The following KIRREL2 variants were observed in gnomAD, a reference collection of about 807,000 sequenced individuals.
The protein encoded by KIRREL2 is kirre like nephrin family adhesion molecule 2.
A neutral mutation model predicts 73.4 loss-of-function variants in KIRREL2; 56 were observed. The observed-to-expected ratio is 0.76, with a 90% confidence interval of 0.62 to 0.95. The LOEUF (loss-of-function observed/expected upper bound fraction) is 0.95. KIRREL2 is among the 40% of genes least tolerant of loss of function. The probability of loss-of-function intolerance (pLI) is 0.00; values close to 1 mark genes in which losing one functional copy is unlikely to be tolerated. For missense variants in KIRREL2, 896 were observed against 935.0 expected, an observed-to-expected ratio of 0.96 and a Z score of 0.54; for synonymous variants, 407 against 404.0, an observed-to-expected ratio of 1.01 and a Z score of -0.09.
intron 11 of KIRREL2, 45 bp from the exon 12 acceptor site, chr19:35,862,448 G>T (rs779347775): frequency 2.8e-6 from 4 of 1,424,410 alleles, no homozygotes; most frequent in African/African-American, 2.8e-5. Context: ...CCCGCTTCCT[G>T]GTTCCCCCTC....
Position 35,858,417 on chromosome 19 carries a change from G to C in KIRREL2, c.221G>C (p.Arg74Pro), listed in dbSNP as rs201732327. The C allele has an allele frequency of 5.5e-5, 89 of 1,613,844 alleles. No individual in the cohort carries two copies. The highest frequency in any genetic ancestry group is 1.7e-4 in the Admixed American group (10 of 60,016). ...TTCTCCCTGACTCCAGGGTGGTCCCGGTACTGGATATCAGGGAATGCAGCC... is the reference window on the plus strand; with the variant it reads ...TTCTCCCTGACTCCAGGGTGGTCCCCGTACTGGATATCAGGGAATGCAGCC... ...GGQRDLPGWS[R>P]YWISGNAANG... The change falls in exon 3 of 15, where the codon CGG (arginine) becomes CCG (proline). Residue 74 changes from arginine (R) to proline (P), a missense_variant. Physicochemically the swap from Arg to Pro is moderately radical, Grantham distance 103. Transcript: ENST00000360202.
At position 35,858,378 on chromosome 19, in the gene KIRREL2, G is replaced by T. The variant is rs1481537955; in HGVS notation, c.212-30G>T. On this transcript the variant is annotated intron_variant, in intron 2 of 14. Transcript: ENST00000360202. ...CTGAGGCCAGGATTTCAGAACCATG[G>T]TGTGCTGACTGCCTTCTCCCTGACT... The T allele has an allele frequency of 2.5e-6, 4 of 1,604,374 alleles. No homozygotes were observed. The Admixed American group carries it at 6.7e-5, about 27-fold the overall frequency.
At chr19:35,862,429 C>A in intron 11 of KIRREL2, 64 bp from the exon 12 acceptor site, 2 of 1,224,998 alleles carry the variant, frequency 1.6e-6, no homozygotes, top group Non-Finnish European at 2.4e-6. Context: ...CAAACTCAAT[C>A]CCTGAGCCCC....
rs552392585 is a variant in KIRREL2, at chr19:35,866,547, T to A, written c.*55T>A. 1.9e-5 allele frequency: 31 copies of A among 1,610,342 alleles called. No individual in the cohort carries two copies. Among genetic ancestry groups the A allele is most frequent in the Non-Finnish European group, 2.6e-5 (31 of 1,178,976 alleles). On this transcript the variant is annotated 3_prime_UTR_variant, in exon 15 of 15. Coordinates refer to ENST00000360202, the MANE Select transcript of KIRREL2 (RefSeq NM_199180.4). ...TCCAACTTGCCATAATGGATTGTTC[T>A]GATTTCTGAGGAGCCAGGACAAGTT... is the stretch of plus-strand genomic sequence containing the variant.
In KIRREL2 at chr19:35,866,717, G is replaced by A. The variant is rs1480527758; in HGVS notation, c.*225G>A. 20 of 603,454 alleles carry A rather than the reference G, an allele frequency of 3.3e-5. No individual in the cohort carries two copies. The highest frequency in any genetic ancestry group is 1.3e-4 in the Admixed American group (4 of 30,854). The allele number at this position is 603,454 out of a possible 1,614,324, so 37.4% of individuals were successfully genotyped here. A position where few individuals can be genotyped will look rare whatever the true frequency, so the allele number is the denominator to read the frequency against. On this transcript the variant is annotated 3_prime_UTR_variant, in exon 15 of 15. Transcript: ENST00000360202. ...CACCCAATATGCCCACCTATTCCCCGGTGTAAAAGAGATTCAAGATGGCAG... is the reference window on the plus strand; with the variant it reads ...CACCCAATATGCCCACCTATTCCCCAGTGTAAAAGAGATTCAAGATGGCAG...
intron 7 of KIRREL2, 61 bp downstream of exon 7, chr19:35,860,728 G>C: frequency 1.9e-6 from 3 of 1,595,060 alleles, no homozygotes; most frequent in Non-Finnish European, 2.6e-6. Context: ...GGGCTGTTGA[G>C]GGTCGGGGCC....
chr19:35,855,124 C>T (rs530911250), upstream of KIRREL2, among the ~76,000 whole-genome samples: 1 of 152,266 alleles, frequency 6.6e-6, no homozygotes, highest in African/African-American at 2.4e-5. Context: ...TCCATCTTCC[C>T]TCACATGCTT....
intron 2 of KIRREL2, among the ~76,000 whole-genome samples, chr19:35,857,828 T>G (rs944066175): frequency 6.6e-6 from 1 of 151,674 alleles, no homozygotes; most frequent in Non-Finnish European, 1.5e-5. Flanking sequence ...TACACAAATG[T>G]ATATATATAT....
upstream of KIRREL2, among the ~76,000 whole-genome samples, chr19:35,855,656 TACACACACAC>T (rs57458964): frequency 0.032 from 2,719 of 84,898 alleles, 102 homozygotes; most frequent in African/African-American, 0.1. Flanking sequence ...CACCTCCCCA[TACACACACAC>T]ACACACACAC....
At chr19:35,864,758 C>T (rs369466789) in intron 14 of KIRREL2, 45 bp downstream of exon 14, 28 of 1,420,530 alleles carry the variant, frequency 2.0e-5, no homozygotes, top group Admixed American at 6.8e-5. Flanking sequence ...TTGGGAGAGG[C>T]GGGGCTCCCT....
chr19:35,858,990 A>C (rs1599859347), intron 4 of KIRREL2, 126 bp downstream of exon 4: 3 of 1,047,330 alleles, frequency 2.9e-6, no homozygotes, highest in East Asian at 4.8e-5. Flanking sequence ...TGGACTCTTG[A>C]AATATGATGC....
At position 35,861,973 on chromosome 19, in the gene KIRREL2, GC is replaced by G. The variant is rs1253231210; in HGVS notation, c.1462del (p.Arg488GlyfsTer24). 1 of 1,613,022 alleles carries G rather than the reference GC, an allele frequency of 6.2e-7. No individual in the cohort carries two copies. Among genetic ancestry groups the G allele is most frequent in the Non-Finnish European group, 8.5e-7 (1 of 1,179,700 alleles). On this transcript the variant is annotated frameshift_variant, in exon 11 of 15. Transcript: ENST00000360202. LOFTEE classifies it high-confidence loss of function. ...SDFSRSFNCSARNRLGEGGAQ... is the reference protein window; with the variant it reads ...SDFSRSFNCSXRNRLGEGGAQ... ...CTTTAGCAGGAGCTTTAACTGCAGT[GC>G]CCGGAACCGGCTGGGCGAGGGAGGT... is the stretch of plus-strand genomic sequence containing the variant.
upstream of KIRREL2, among the ~76,000 whole-genome samples, chr19:35,852,583 G>A (rs1026226891): frequency 3.3e-5 from 5 of 151,940 alleles, no homozygotes; most frequent in African/African-American, 1.2e-4. Context: ...AGCTGGCCCA[G>A]CTGGAGCATA....
At chr19:35,864,601 C>A in intron 13 of KIRREL2, 47 bp from the exon 14 acceptor site, 1 of 1,507,828 alleles carries the variant, frequency 6.6e-7, no homozygotes, top group Non-Finnish European at 9.2e-7. Flanking sequence ...GGCATTGGGG[C>A]GGGGGGATCC....
intron 4 of KIRREL2, 44 bp from the exon 5 acceptor site, chr19:35,859,437 C>T (rs756446331): frequency 2.5e-6 from 4 of 1,589,586 alleles, no homozygotes; most frequent in Non-Finnish European, 3.4e-6. Context: ...GATTGGACAC[C>T]CCTGATGGGT....
intron 14 of KIRREL2, among the ~76,000 whole-genome samples, chr19:35,865,652 C>A (rs980787903): frequency 6.6e-6 from 1 of 152,230 alleles, no homozygotes; most frequent in Admixed American, 6.5e-5. Flanking sequence ...ATCCCACCCA[C>A]TATGCTGAGG....
intron 13 of KIRREL2, among the ~76,000 whole-genome samples, chr19:35,863,424 A>ATTT (rs1410982721): frequency 0.011 from 1,266 of 120,300 alleles, 30 homozygotes; most frequent in African/African-American, 0.037. Flanking sequence ...CCCTGTCTCC[A>ATTT]TTTTTTTTTT....
intron 4 of KIRREL2, 120 bp downstream of exon 4, chr19:35,858,984 C>T: frequency 9.0e-7 from 1 of 1,113,326 alleles, no homozygotes; most frequent in Non-Finnish European, 1.3e-6. Context: ...TGGGTTTGGA[C>T]TCTTGAAATA....
Position 35,862,509 on chromosome 19 carries a change from G to T in KIRREL2, c.1527G>T (p.Val509=). The change falls in exon 12 of 15, where the codon GTG becomes GTT. Residue 509 remains valine (V), a synonymous_variant. Transcript: ENST00000360202. ...SLGRRDLLPT[V]RIVAGVAAAT... ...TCCCTGCAGACTTGCTGCCCACTGT[G>T]CGGATAGTGGCCGGAGTGGCCGCTG... 6.2e-7 allele frequency: 1 copy of T among 1,609,986 alleles called. No individual in the cohort carries two copies.
Sources: allele counts gnomAD v4.1 joint callset (sites outside exome capture counted in the v4.1 genomes callset), GRCh38; gene constraint gnomAD v4.1.1; transcripts MANE v1.5; gene names NCBI Gene and HGNC (gene_info 2026-07-23, HGNC 2026-07-21).